Variants in ABCG5 observed in about 807,000 individuals in gnomAD.
ABCG5 encodes ATP-binding cassette sub-family G member 5.
In ABCG5, 64 loss-of-function variants were observed where a neutral mutation model predicts 64.5. The observed-to-expected ratio is 0.99, with a 90% CI of 0.81 to 1.22. ABCG5 has a LOEUF of 1.22. ABCG5 is among the 50% of genes most tolerant of loss of function. The pLI, the probability that ABCG5 is intolerant of heterozygous loss-of-function variation, is 0.00. For synonymous variants in ABCG5, 385 were observed against 326.3 expected (o/e 1.18, Z -1.94); for missense variants, 908 against 829.5 (o/e 1.09, Z -1.16).
chr2:43,832,031 C>T lies in ABCG5; in HGVS notation c.318G>A (p.Ala106=). 1.3e-6 allele frequency: 2 copies of T among 1,574,564 alleles called. No homozygotes were observed. Among genetic ancestry groups the T allele is most frequent in the Non-Finnish European group, 1.7e-6 (2 of 1,160,420 alleles). The change falls in exon 3 of 13, where the codon GCG becomes GCA. Residue 106 remains alanine (A), a synonymous_variant. Coordinates refer to ENST00000405322, the MANE Select transcript of ABCG5 (RefSeq NM_022436.3). ...LDAMSGRLGR[A]GTFLGEVYVN... ...CATACACCTCCCCCAGGAAGGTCCC[C>T]GCGCGCCCCAGCCTCCCGGACATGG...
At position 43,828,184 on chromosome 2, in the gene ABCG5, G is replaced by A. The variant is rs1283843757; in HGVS notation, c.502-69C>T. ...CTGCTATTTCAATTCATGGGCTGGG[G>A]AGGACATGAAAGAGGCAGCACACCG... On this transcript the variant is annotated intron_variant, in intron 4 of 12. Transcript: ENST00000405322. 10 of 1,607,592 alleles carry A rather than the reference G, an allele frequency of 6.2e-6. No individual in the cohort carries two copies. In the African/African-American group the frequency reaches 1.1e-4, roughly 17 times the overall value.
intron 11 of ABCG5, among the ~76,000 whole-genome samples, chr2:43,816,145 G>C (rs913264111): frequency 2.6e-5 from 4 of 152,194 alleles, no homozygotes; most frequent in African/African-American, 9.7e-5. Context: ...GATTTGGTGA[G>C]TGATGCAGTG....
chr2:43,812,300 G>A (rs915605523), downstream of ABCG5, among the ~76,000 whole-genome samples: 2 of 141,264 alleles, frequency 1.4e-5, no homozygotes, highest in Non-Finnish European at 3.1e-5. Flanking sequence ...ATATACTTTA[G>A]TAAAGTTTAC....
At chr2:43,824,153 A>G in intron 8 of ABCG5, 35 bp from the exon 9 acceptor site, 1 of 1,614,158 alleles carries the variant, frequency 6.2e-7, no homozygotes, top group Admixed American at 1.7e-5. Context: ...ATTCCTTTTC[A>G]GAATTGTTAT....
chr2:43,813,331 G>A, intron 12 of ABCG5, 22 bp from the exon 13 acceptor site: 1 of 1,542,984 alleles, frequency 6.5e-7, no homozygotes, highest in South Asian at 1.1e-5. Flanking sequence ...AAGATTGACA[G>A]TGTCAGGTGT....
downstream of ABCG5, among the ~76,000 whole-genome samples, chr2:43,808,650 G>T (rs1666361712): frequency 6.6e-6 from 1 of 152,148 alleles, no homozygotes; most frequent in East Asian, 1.9e-4. Context: ...TATACTCCTT[G>T]TGAAAAAATT....
At chr2:43,828,390 C>G (rs1250946261) in intron 4 of ABCG5, 1 of 446,206 alleles carries the variant, frequency 2.2e-6, no homozygotes, top group Non-Finnish European at 4.1e-6. Context: ...AATCCCAATA[C>G]TTTGGAAGGC....
In ABCG5 at chr2:43,828,063, A is replaced by G. The variant is rs769667259; in HGVS notation, c.554T>C (p.Ile185Thr). The change falls in exon 5 of 13, where the codon ATT becomes ACT. Residue 185 changes from isoleucine to threonine, a missense_variant. Physicochemically the swap from Ile to Thr is moderately conservative, Grantham distance 89. Coordinates refer to ENST00000405322, the MANE Select transcript of ABCG5 (RefSeq NM_022436.3). ...LSLSHVADRLIGNYSLGGIST... is the reference protein window; with the variant it reads ...LSLSHVADRLTGNYSLGGIST... ...AATGCCCCCCAAGCTGTAGTTGCCA[A>G]TCAGTCGGTCTGCCACATGGCTCAG... The G allele has an allele frequency of 1.7e-5, 28 of 1,614,008 alleles. No individual in the cohort carries two copies. Among genetic ancestry groups the G allele is most frequent in the South Asian group, 2.2e-5 (2 of 91,078 alleles).
At chr2:43,832,305 T>C (rs1667999727) in intron 2 of ABCG5, 9 of 619,762 alleles carry the variant, frequency 1.5e-5, no homozygotes, top group Admixed American at 2.8e-5. Flanking sequence ...GATTGTCCCC[T>C]GAGTGAGAGG....
chr2:43,814,891 C>T lies in ABCG5; in HGVS notation c.1650-302G>A, dbSNP rs562564093. Among the ~76,000 whole-genome samples, 4 of 152,306 alleles carry T rather than the reference C, an allele frequency of 2.6e-5. No homozygotes were observed. In the East Asian group the frequency reaches 7.7e-4, roughly 29 times the overall value. ...CCTAACTTACTCTTTTTCTGCCAAA[C>T]ATATGTCTCAGACATCCTTCCAAGT... On this transcript the variant is annotated intron_variant, in intron 11 of 12. Coordinates refer to ENST00000405322, the MANE Select transcript of ABCG5 (RefSeq NM_022436.3).
In ABCG5 at chr2:43,838,718, C is replaced by A; in HGVS notation, c.-39G>T. On this transcript the variant is annotated 5_prime_UTR_variant, in exon 1 of 13. Transcript: ENST00000405322. The surrounding 1 kb of genome is among the most constrained non-coding windows in gnomAD (Gnocchi z 4.2). ...CAAAGCTGGGCAAATTTTCTGGTGG[C>A]CGGACCCTCCCCAGAGTGGCTTCAG... The A allele has an allele frequency of 1.9e-6, 3 of 1,607,958 alleles. No homozygotes were observed. Among genetic ancestry groups the A allele is most frequent in the Non-Finnish European group, 2.5e-6 (3 of 1,177,640 alleles).
intron 12 of ABCG5, among the ~76,000 whole-genome samples, 155 bp from the exon 13 acceptor site, chr2:43,813,464 G>C (rs1666593571): frequency 6.6e-6 from 1 of 152,136 alleles, no homozygotes; most frequent in Non-Finnish European, 1.5e-5. Flanking sequence ...AGAGTGAGCA[G>C]TTCTGGCCTT....
At chr2:43,815,159 A>G (rs998399692) in intron 11 of ABCG5, among the ~76,000 whole-genome samples, 1 of 152,226 alleles carries the variant, frequency 6.6e-6, no homozygotes, top group African/African-American at 2.4e-5. Context: ...ATACAAAGGA[A>G]AAAGGAAGGA....
At chr2:43,822,478 G>GCCCCCCCCCCCCCCC (rs55983843) in intron 10 of ABCG5, 4 of 432,250 alleles carry the variant, frequency 9.3e-6, no homozygotes, top group Admixed American at 6.9e-5. Context: ...CCTCCCCCAG[G>GCCCCCCCCCCCCCCC]CCCCCCCCCA....
In ABCG5 at chr2:43,812,732, A is replaced by C; in HGVS notation, c.*384T>G. 4.9e-6 allele frequency: 1 copy of C among 202,320 alleles called. No homozygotes were observed. The highest frequency in any genetic ancestry group is 1.0e-5 in the Non-Finnish European group (1 of 98,314). 12.5% of individuals were successfully genotyped at this position (202,320 alleles called of 1,614,324 possible). A position where few individuals can be genotyped will look rare whatever the true frequency, so the allele number is the denominator to read the frequency against. ...TGTCACTTATGGTCAGGAATCCTTG[A>C]AACATTTTATTTTTGCCTAATCCTT... On this transcript the variant is annotated 3_prime_UTR_variant, in exon 13 of 13. Transcript: ENST00000405322.
chr2:43,833,363 A>ATATTATTATTATTATTATTAT, intron 2 of ABCG5, among the ~76,000 whole-genome samples: 1 of 144,226 alleles, frequency 6.9e-6, no homozygotes, highest in East Asian at 2.0e-4. Context: ...TTTTGTTGAA[A>ATATTATTATTATTATTATTAT]TATTATTATT....
Position 43,838,278 on chromosome 2 carries a change from C to G in ABCG5, c.143+259G>C, listed in dbSNP as rs1668410087. The G allele has an allele frequency of 1.7e-6, 1 of 597,652 alleles. No homozygotes were observed. 37.0% of individuals were successfully genotyped at this position (597,652 alleles called of 1,614,324 possible). ...CCCATTCCCATCCACAGAGGGCAGG[C>G]CGTAGACACTGGGTTGGCAGGGCAC... On this transcript the variant is annotated intron_variant, in intron 1 of 12. Transcript: ENST00000405322. The surrounding 1 kb of genome is among the most constrained non-coding windows in gnomAD (Gnocchi z 4.2).
intron 4 of ABCG5, 131 bp from the exon 5 acceptor site, chr2:43,828,246 C>A (rs745790462): frequency 3.5e-5 from 43 of 1,213,860 alleles, no homozygotes; most frequent in Non-Finnish European, 4.3e-5. Flanking sequence ...ACTCACCACA[C>A]CCTGGGGAAA....
chr2:43,824,348 T>C lies in ABCG5; in HGVS notation c.989A>G (p.Lys330Arg). The change falls in exon 8 of 13, where the codon AAG becomes AGG. Residue 330 changes from lysine (K) to arginine (R), a missense_variant. By Grantham distance (26) the Lys-to-Arg change is conservative. Transcript: ENST00000405322. The stretch of plus-strand genomic sequence containing the variant: ...AGTTTTATGACAAATTGCTGATTTC[T>C]TGTAGGCAGATTCTATCATCTGGAC... ...KRVQMIESAYKKSAICHKTLK... is the reference protein window; with the variant it reads ...KRVQMIESAYRKSAICHKTLK... 1 of 1,614,236 alleles carries C rather than the reference T, an allele frequency of 6.2e-7. No homozygotes were observed. The highest frequency in any genetic ancestry group is 8.5e-7 in the Non-Finnish European group (1 of 1,180,054).
Sources: gnomAD v4.1 joint callset for allele counts (sites outside exome capture counted in the v4.1 genomes callset) on GRCh38, gnomAD v4.1.1 for gene constraint, Gnocchi (gnomAD v3.1) non-coding constraint, MANE v1.5 for transcripts, NCBI Gene and HGNC (gene_info 2026-07-23, HGNC 2026-07-21) for gene names.